Variants in ZNF429 observed in about 807,000 individuals in gnomAD.
The protein encoded by ZNF429 is zinc finger protein 429.
ZNF429 carries 53 observed loss-of-function variants against 56.8 expected under a neutral mutation model. The observed-to-expected ratio is 0.93, with a 90% CI of 0.75 to 1.17. The LOEUF (loss-of-function observed/expected upper bound fraction) is 1.17. ZNF429 is among the 50% of genes most tolerant of loss of function. ZNF429 has a pLI of 0.00. For synonymous variants in ZNF429, 278 were observed against 264.7 expected, an observed-to-expected ratio of 1.05 and a Z score of -0.49; for missense variants, 849 against 788.4, an observed-to-expected ratio of 1.08 and a Z score of -0.92.
At chr19:21,509,748 T>C (rs1236771162) in intron 1 of ZNF429, among the ~76,000 whole-genome samples, 1 of 152,186 alleles carries the variant, frequency 6.6e-6, no homozygotes, top group African/African-American at 2.4e-5. Context: ...GTCCTTGTTT[T>C]GAGACAGTTT....
At chr19:21,508,878 T>C (rs2032315851) in intron 1 of ZNF429, among the ~76,000 whole-genome samples, 1 of 152,118 alleles carries the variant, frequency 6.6e-6, no homozygotes, top group Non-Finnish European at 1.5e-5. Context: ...AAAACATCAG[T>C]TGTTTTTGCA....
chr19:21,511,669 C>T (rs1204770195), intron 1 of ZNF429, among the ~76,000 whole-genome samples: 7 of 151,418 alleles, frequency 4.6e-5, no homozygotes, highest in Admixed American at 6.6e-5. Context: ...ACTTCCCAGA[C>T]GGGGTGGCGG....
chr19:21,530,689 G>A lies in ZNF429; in HGVS notation c.226+5G>A. 1 of 1,604,602 alleles carries A rather than the reference G, an allele frequency of 6.2e-7. No individual in the cohort carries two copies. The highest frequency in any genetic ancestry group is 2.2e-5 in the East Asian group (1 of 44,714). ...AAATGGTGGATGAACCCCCAGGTAG[G>A]TGAGAGTGAACACAACAGACAACAC... On this transcript the variant is annotated splice_donor_5th_base_variant and intron_variant, in intron 3 of 3. Coordinates refer to ENST00000358491, the MANE Select transcript of ZNF429 (RefSeq NM_001001415.4).
intron 3 of ZNF429, among the ~76,000 whole-genome samples, chr19:21,533,831 T>G: frequency 6.6e-6 from 1 of 152,094 alleles, no homozygotes; most frequent in Admixed American, 6.5e-5. Context: ...TTTTTTTGTA[T>G]TTTTAGTAGA....
Position 21,531,130 on chromosome 19 carries a change from CCAAAAA to C in ZNF429, c.226+447_226+452del. On this transcript the variant is annotated intron_variant, in intron 3 of 3. Coordinates refer to ENST00000358491, the MANE Select transcript of ZNF429 (RefSeq NM_001001415.4). ...TCAAAAAAAAAAAAAAAAAAAAAAA[CCAAAAA>C]AAAAAAAACACCCGTCTTGGTGACT... 4.1e-4 allele frequency among the ~76,000 whole-genome samples: 46 copies of C among 113,160 alleles called. 2 individuals carry two copies. Among genetic ancestry groups the C allele is most frequent in the Non-Finnish European group, 7.8e-4 (42 of 53,864 alleles). The allele number at this position is 113,160 out of a possible 152,430, so 74.2% of individuals were successfully genotyped here.
intron 1 of ZNF429, among the ~76,000 whole-genome samples, chr19:21,523,587 T>C (rs2033060525): frequency 6.6e-6 from 1 of 152,246 alleles, no homozygotes; most frequent in African/African-American, 2.4e-5. Flanking sequence ...CAGTAATCAA[T>C]GTTAATTCTG....
intron 1 of ZNF429, among the ~76,000 whole-genome samples, chr19:21,508,192 G>A (rs1038951643): frequency 1.3e-5 from 2 of 151,382 alleles, no homozygotes; most frequent in African/African-American, 2.4e-5. Context: ...GCGGTGAGCC[G>A]AGATCGTGCC....
chr19:21,517,642 TTC>T (rs1391890223), intron 1 of ZNF429, among the ~76,000 whole-genome samples: 2 of 152,128 alleles, frequency 1.3e-5, no homozygotes, highest in Non-Finnish European at 2.9e-5. Flanking sequence ...TCCAGTTTCT[TTC>T]TGTTTGGTAT....
chr19:21,535,460 CT>C, intron 3 of ZNF429, among the ~76,000 whole-genome samples: 2 of 40,502 alleles, frequency 4.9e-5, no homozygotes, highest in Non-Finnish European at 1.0e-4. Context: ...TTCTTTCTTT[CT>C]TTCTTTCTTT....
At chr19:21,535,872 G>C in intron 3 of ZNF429, among the ~76,000 whole-genome samples, 2 of 152,088 alleles carry the variant, frequency 1.3e-5, no homozygotes, top group Admixed American at 1.3e-4. Flanking sequence ...CCAGCATCTG[G>C]TAATATCCTA....
At chr19:21,531,116 A>AAAAAAAAAAAAAACC in intron 3 of ZNF429, among the ~76,000 whole-genome samples, 1 of 86,158 alleles carries the variant, frequency 1.2e-5, no homozygotes, top group Non-Finnish European at 2.3e-5. Context: ...CAAAAAAAAA[A>AAAAAAAAAAAAAACC]AAAAAAAAAA....
Position 21,537,132 on chromosome 19 carries a change from A to T in ZNF429, c.1079A>T (p.Lys360Met). 1 of 1,613,742 alleles carries T rather than the reference A, an allele frequency of 6.2e-7. No homozygotes were observed. Among genetic ancestry groups the T allele is most frequent in the Admixed American group, 1.7e-5 (1 of 60,010 alleles). ...FNWSSTLTKH[K>M]VIHTGEKPYK... ...TGGTCTTCAACTCTTACTAAACATA[A>T]GGTAATTCATACTGGAGAGAAGCCC... The change falls in exon 4 of 4, where the codon AAG (lysine) becomes ATG (methionine). Residue 360 changes from lysine to methionine, a missense_variant. By Grantham distance (95) the Lys-to-Met change is moderately conservative. Coordinates refer to ENST00000358491, the MANE Select transcript of ZNF429 (RefSeq NM_001001415.4).
chr19:21,510,397 G>C (rs1009755235), intron 1 of ZNF429, among the ~76,000 whole-genome samples: 1 of 152,100 alleles, frequency 6.6e-6, no homozygotes, highest in Non-Finnish European at 1.5e-5. Flanking sequence ...CAGGAAAGTG[G>C]TCCCAATCCA....
At chr19:21,525,963 A>ACG (rs2033154326) in intron 1 of ZNF429, among the ~76,000 whole-genome samples, 1 of 150,884 alleles carries the variant, frequency 6.6e-6, no homozygotes, top group African/African-American at 2.4e-5. Context: ...ATCACACAGT[A>ACG]TGTTATGCCC....
intron 1 of ZNF429, among the ~76,000 whole-genome samples, chr19:21,511,377 G>C (rs2032460827): frequency 6.6e-6 from 1 of 151,006 alleles, no homozygotes; most frequent in Non-Finnish European, 1.5e-5. Context: ...GCCGGGCAGA[G>C]ACGCTCCTCA....
At chr19:21,506,801 C>T (rs4462731) in intron 1 of ZNF429, among the ~76,000 whole-genome samples, 72,922 of 131,020 alleles carry the variant, frequency 0.56, 19,916 homozygotes, top group Middle Eastern at 0.68. Flanking sequence ...TGGAGTTTCC[C>T]TCTTCTTGCC....
intron 1 of ZNF429, among the ~76,000 whole-genome samples, chr19:21,512,218 T>C (rs182249752): frequency 5.3e-5 from 8 of 152,300 alleles, no homozygotes; most frequent in African/African-American, 1.4e-4. Flanking sequence ...TAAACTGTTA[T>C]GGCACTGATG....
At chr19:21,512,037 G>C (rs1010838530) in intron 1 of ZNF429, among the ~76,000 whole-genome samples, 2 of 152,212 alleles carry the variant, frequency 1.3e-5, no homozygotes, top group African/African-American at 4.8e-5. Context: ...GTACAGTCCA[G>C]CTTCGGCTCA....
rs370047895 is a variant in ZNF429 at position 21,529,658 on chromosome 19, G to A, written c.4G>A (p.Gly2Arg). Residue 2 changes from glycine to arginine, a missense_variant and splice_region_variant, in exon 2 of 4, where the codon GGA (glycine) becomes AGA (arginine). Physicochemically the swap from Gly to Arg is moderately radical, Grantham distance 125. Transcript: ENST00000358491. M[G>R]PLTFTDVAIE... ...TTCTGTTGGTGTGTGTGTGTTTCAG[G>A]GACCATTGACATTTACAGATGTGGC... is the stretch of plus-strand genomic sequence containing the variant. 6.4e-7 allele frequency: 1 copy of A among 1,566,892 alleles called. No individual in the cohort carries two copies. The highest frequency in any genetic ancestry group is 1.4e-5 in the African/African-American group (1 of 73,198).
Sources: allele counts gnomAD v4.1 joint callset (sites outside exome capture counted in the v4.1 genomes callset), GRCh38; gene constraint gnomAD v4.1.1; transcripts MANE v1.5; gene names NCBI Gene and HGNC (gene_info 2026-07-23, HGNC 2026-07-21).